Variants in RSBN1L observed in about 807,000 individuals in gnomAD.
The protein encoded by RSBN1L is lysine-specific demethylase RSBN1L.
A neutral mutation model predicts 67.7 loss-of-function variants in RSBN1L; 30 were observed. The ratio of observed to expected loss-of-function variants is 0.44; its 90% CI spans 0.33 to 0.60. The LOEUF is 0.60. RSBN1L is among the 20% of genes least tolerant of loss of function. The pLI is 0.02. For synonymous variants in RSBN1L, 433 were observed against 387.0 expected, an observed-to-expected ratio of 1.12 and a Z score of -1.39; for missense variants, 992 against 1,031.7, an observed-to-expected ratio of 0.96 and a Z score of 0.53.
Position 77,736,506 on chromosome 7 carries a change from A to G in RSBN1L, c.683A>G (p.Glu228Gly). Reference sequence around the variant, plus strand: ...AATGAGATCAAGAAAGAGAATGGAGAAGTAAAGATTTTGCTGAAAAGTAAG... The same window carrying G: ...AATGAGATCAAGAAAGAGAATGGAGGAGTAAAGATTTTGCTGAAAAGTAAG... ...VMNEIKKENG[E>G]VKILLKSGKE... Residue 228 changes from glutamate (E) to glycine (G), a missense_variant, in exon 2 of 8, where the codon GAA becomes GGA. By Grantham distance (98) the Glu-to-Gly change is moderately conservative (BLOSUM62 -2). This residue lies in a region of RSBN1L where 575 missense variants were observed against 483.2 expected (regional missense o/e 1.19). Coordinates refer to ENST00000334955, the MANE Select transcript of RSBN1L (RefSeq NM_198467.3). 7.6e-7 allele frequency: 1 copy of G among 1,312,734 alleles called. No individual in the cohort carries two copies. Among genetic ancestry groups the G allele is most frequent in the Non-Finnish European group, 1.0e-6 (1 of 964,278 alleles). The allele number at this position is 1,312,734 out of a possible 1,614,324, so 81.3% of individuals were successfully genotyped here.
At chr7:77,763,137 T>C (rs933641761) in intron 3 of RSBN1L, among the ~76,000 whole-genome samples, 2 of 145,936 alleles carry the variant, frequency 1.4e-5, no homozygotes, top group Admixed American at 7.1e-5. Flanking sequence ...GGTGGAAATA[T>C]ATATAATTTG....
intron 2 of RSBN1L, among the ~76,000 whole-genome samples, chr7:77,745,483 A>G (rs1429520258): frequency 2.0e-5 from 3 of 152,270 alleles, no homozygotes; most frequent in African/African-American, 7.2e-5. Flanking sequence ...GTTGATTGAC[A>G]TATAGTATAC....
At chr7:77,705,533 A>AT (rs2150411916) in intron 1 of RSBN1L, among the ~76,000 whole-genome samples, 1 of 34,874 alleles carries the variant, frequency 2.9e-5, no homozygotes, top group South Asian at 7.9e-4. Context: ...TTTTTTTGTG[A>AT]TGGAGTCTTG....
chr7:77,779,276 T>C lies in RSBN1L; in HGVS notation c.*108T>C. ...TTGCTCCTATGTCTGTTACAAAACA[T>C]AGTTTATGTAGCTTTGTAACATTCC... is the stretch of plus-strand genomic sequence containing the variant. On this transcript the variant is annotated 3_prime_UTR_variant, in exon 8 of 8. Transcript: ENST00000334955. 1.3e-6 allele frequency: 1 copy of C among 769,862 alleles called. No homozygotes were observed. The highest frequency in any genetic ancestry group is 1.8e-5 in the African/African-American group (1 of 56,724). The allele number at this position is 769,862 out of a possible 1,614,324, so 47.7% of individuals were successfully genotyped here.
rs1791953044 is a variant in RSBN1L, at chr7:77,778,799, C to G, written c.2172C>G (p.Asp724Glu). 3 of 1,614,030 alleles carry G rather than the reference C, an allele frequency of 1.9e-6. No homozygotes were observed. Among genetic ancestry groups the G allele is most frequent in the Non-Finnish European group, 2.5e-6 (3 of 1,180,018 alleles). The change falls in exon 8 of 8, where the codon GAC (aspartate) becomes GAG (glutamate). Residue 724 changes from aspartate to glutamate, a missense_variant. By Grantham distance (45) the Asp-to-Glu change is conservative. Transcript: ENST00000334955. ...CATCTGTTCTTGGACCTCACACTGA[C>G]AACATGATTTGTGCTGTAAGCAAAG... Reference protein sequence around the residue: ...STSSVLGPHTDNMICAVSKAS... With the variant: ...STSSVLGPHTENMICAVSKAS...
intron 1 of RSBN1L, among the ~76,000 whole-genome samples, chr7:77,733,018 G>T (rs568407583): frequency 6.6e-6 from 1 of 152,280 alleles, no homozygotes; most frequent in South Asian, 2.1e-4. Flanking sequence ...TTTGGGCTGG[G>T]CGTGGTGGCT....
intron 3 of RSBN1L, among the ~76,000 whole-genome samples, chr7:77,763,731 T>TACCA (rs1791725822): frequency 6.6e-6 from 1 of 152,156 alleles, no homozygotes. Flanking sequence ...CTCGCTCTGT[T>TACCA]GCCCAGGCTG....
chr7:77,716,635 TTTTTTTTTTTTTTTTA>T (rs1562795844), intron 1 of RSBN1L, among the ~76,000 whole-genome samples: 1 of 142,712 alleles, frequency 7.0e-6, no homozygotes, highest in East Asian at 2.0e-4. Flanking sequence ...TTTTTTTTTT[TTTTTTTTTTTTTTTTA>T]GACGGTGTCT....
At chr7:77,717,605 C>T (rs1185601669) in intron 1 of RSBN1L, among the ~76,000 whole-genome samples, 1 of 152,152 alleles carries the variant, frequency 6.6e-6, no homozygotes, top group Non-Finnish European at 1.5e-5. Flanking sequence ...TCGATAAATA[C>T]AATTTCTGCC....
chr7:77,715,493 A>G (rs1791035621), intron 1 of RSBN1L, among the ~76,000 whole-genome samples: 1 of 151,956 alleles, frequency 6.6e-6, no homozygotes, highest in Non-Finnish European at 1.5e-5. Flanking sequence ...TTTTTAGTCA[A>G]GATGGGGGGC....
intron 1 of RSBN1L, among the ~76,000 whole-genome samples, chr7:77,708,087 T>G (rs1019443921): frequency 6.6e-6 from 1 of 152,206 alleles, no homozygotes; most frequent in Non-Finnish European, 1.5e-5. Flanking sequence ...TAAATTTGTT[T>G]TTAAGTCACC....
chr7:77,749,410 A>AT lies in RSBN1L; in HGVS notation c.704-8dup. 1.3e-6 allele frequency: 2 copies of AT among 1,511,700 alleles called. No homozygotes were observed. Among genetic ancestry groups the AT allele is most frequent in the South Asian group, 1.3e-5 (1 of 74,858 alleles). 93.6% of individuals were successfully genotyped at this position (1,511,700 alleles called of 1,614,324 possible). A position where few individuals can be genotyped will look rare whatever the true frequency, so the allele number is the denominator to read the frequency against. ...ATTAAAATATGGAGTTTCAAAAAACATTTTTTCCAACAGGTGGGAAGGAGA... is the reference window on the plus strand; with the variant it reads ...ATTAAAATATGGAGTTTCAAAAAACATTTTTTTCCAACAGGTGGGAAGGAGA... On this transcript the variant is annotated splice_polypyrimidine_tract_variant and intron_variant, in intron 2 of 7. Coordinates refer to ENST00000334955, the MANE Select transcript of RSBN1L (RefSeq NM_198467.3).
intron 3 of RSBN1L, among the ~76,000 whole-genome samples, chr7:77,763,149 C>CTTTT (rs11440608): frequency 1.8e-4 from 23 of 126,942 alleles, no homozygotes; most frequent in African/African-American, 5.7e-4. Context: ...TATAATTTGA[C>CTTTT]TTTTTTTTTT....
At chr7:77,708,381 G>T (rs1286398073) in intron 1 of RSBN1L, among the ~76,000 whole-genome samples, 1 of 124,972 alleles carries the variant, frequency 8.0e-6, no homozygotes, top group Non-Finnish European at 1.6e-5. Flanking sequence ...GCCAGGATGA[G>T]ACTATTTTTT....
At chr7:77,720,630 A>G (rs6963486) in intron 1 of RSBN1L, among the ~76,000 whole-genome samples, 63,687 of 151,698 alleles carry the variant, frequency 0.42, 13,716 homozygotes, top group African/African-American at 0.5. Context: ...ACGGTTAAGT[A>G]ACTTGCTTCA....
chr7:77,764,150 A>G (rs1266110325), intron 3 of RSBN1L, among the ~76,000 whole-genome samples: 1 of 152,216 alleles, frequency 6.6e-6, no homozygotes, highest in Non-Finnish European at 1.5e-5. Flanking sequence ...TTTGCCTGAA[A>G]TACAAGACTT....
At chr7:77,728,247 A>T (rs893955145) in intron 1 of RSBN1L, among the ~76,000 whole-genome samples, 5 of 152,190 alleles carry the variant, frequency 3.3e-5, no homozygotes, top group African/African-American at 4.8e-5. Context: ...GTAATTTTTT[A>T]AAAATTTTTG....
chr7:77,756,727 G>A (rs1248171968), intron 3 of RSBN1L, among the ~76,000 whole-genome samples: 2 of 152,126 alleles, frequency 1.3e-5, no homozygotes, highest in Non-Finnish European at 1.5e-5. Context: ...GCAGTGAGCC[G>A]AGATTGCGCC....
Position 77,725,243 on chromosome 7 carries a change from A to AATTTTTTTTTTTTTTTT in RSBN1L, c.587-11167_587-11166insATTTTTTTTTTTTTTTT, listed in dbSNP as rs1554338354. Among the ~76,000 whole-genome samples, 12 of 57,888 alleles carry AATTTTTTTTTTTTTTTT rather than the reference A, an allele frequency of 2.1e-4. 2 individuals carry two copies. Among genetic ancestry groups the AATTTTTTTTTTTTTTTT allele is most frequent in the African/African-American group, 1.1e-3 (12 of 11,310 alleles). 38.0% of individuals were successfully genotyped at this position (57,888 alleles called of 152,430 possible). A position where few individuals can be genotyped will look rare whatever the true frequency, so the allele number is the denominator to read the frequency against. On this transcript the variant is annotated intron_variant, in intron 1 of 7. Coordinates refer to ENST00000334955, the MANE Select transcript of RSBN1L (RefSeq NM_198467.3). ...TTTCTTCCCTAGGGATAAGCCCCCC[A>AATTTTTTTTTTTTTTTT]CTTTTTTTTTTTTTTTTTTTTTGAG...
Sources: gnomAD v4.1 joint callset for allele counts (sites outside exome capture counted in the v4.1 genomes callset) on GRCh38, gnomAD v4.1.1 for gene constraint, gnomAD v4.1.1 regional missense constraint, MANE v1.5 for transcripts, NCBI Gene and HGNC (gene_info 2026-07-23, HGNC 2026-07-21) for gene names.